The following NSD2 variants were observed in gnomAD, a reference collection of about 807,000 sequenced individuals.
The protein encoded by NSD2 is histone-lysine N-methyltransferase NSD2.
NSD2 carries 12 observed loss-of-function variants against 139.0 expected under a neutral mutation model. The observed-to-expected ratio is 0.09, with a 90% CI of 0.06 to 0.14. The LOEUF (loss-of-function observed/expected upper bound fraction) is 0.14, where lower values mean the gene tolerates loss of function less well. Ranked by LOEUF, NSD2 falls within the 10% of genes least tolerant of loss-of-function variation. The probability of loss-of-function intolerance (pLI) is 1.00; values close to 1 mark genes in which losing one functional copy is unlikely to be tolerated. For missense variants in NSD2, 1,155 were observed against 1,745.0 expected, an observed-to-expected ratio of 0.66 and a Z score of 6.02; for synonymous variants, 669 against 648.7, an observed-to-expected ratio of 1.03 and a Z score of -0.48.
At chr4:1,932,832 G>T (rs1721827233) in intron 6 of NSD2, among the ~76,000 whole-genome samples, 1 of 152,228 alleles carries the variant, frequency 6.6e-6, no homozygotes, top group African/African-American at 2.4e-5. Flanking sequence ...CTGGATGAAT[G>T]GAGAGGTGCT....
In NSD2 at chr4:1,916,964, A is replaced by G; in HGVS notation, c.854A>G (p.Glu285Gly). The G allele has an allele frequency of 6.2e-7, 1 of 1,614,186 alleles. No homozygotes were observed. The highest frequency in any genetic ancestry group is 8.5e-7 in the Non-Finnish European group (1 of 1,180,004). The change falls in exon 4 of 22, where the codon GAA (glutamate) becomes GGA (glycine). Residue 285 changes from glutamate to glycine, a missense_variant. Glu to Gly is a moderately conservative substitution (Grantham distance 98). This residue lies in a region of NSD2 where 420 missense variants were observed against 469.0 expected (regional missense o/e 0.90). Coordinates refer to ENST00000508803, the MANE Select transcript of NSD2 (RefSeq NM_001042424.3). ...WIFEKSLVAF[E>G]GEGQFEKLCQ... ...TTTGAGAAGAGCCTCGTAGCTTTTG[A>G]AGGAGAAGGACAGTTTGAAAAATTA...
chr4:1,978,991 C>T lies in NSD2; in HGVS notation c.*82C>T. 5.6e-6 allele frequency: 8 copies of T among 1,423,598 alleles called. No individual in the cohort carries two copies. The highest frequency in any genetic ancestry group is 3.1e-5 in the South Asian group (2 of 63,846). The allele number at this position is 1,423,598 out of a possible 1,614,324, so 88.2% of individuals were successfully genotyped here. Reference sequence around the variant, plus strand: ...GCGGGAGAGGGCGAGCATGAACTGGCCCGGAGGACCCAGCTCGAGCCGCCA... The same window carrying T: ...GCGGGAGAGGGCGAGCATGAACTGGTCCGGAGGACCCAGCTCGAGCCGCCA... On this transcript the variant is annotated 3_prime_UTR_variant, in exon 22 of 22. Coordinates refer to ENST00000508803, the MANE Select transcript of NSD2 (RefSeq NM_001042424.3).
At chr4:1,937,288 A>G (rs2108885184) in intron 7 of NSD2, among the ~76,000 whole-genome samples, 1 of 152,210 alleles carries the variant, frequency 6.6e-6, no homozygotes, top group African/African-American at 2.4e-5. Context: ...TCCTGACCTC[A>G]AGTGATCCGC....
intron 9 of NSD2, chr4:1,943,856 A>C: frequency 9.4e-7 from 1 of 1,063,234 alleles, no homozygotes; most frequent in Non-Finnish European, 1.1e-6. Flanking sequence ...AAGGGATTTC[A>C]TTTGAAATTA....
intron 5 of NSD2, among the ~76,000 whole-genome samples, chr4:1,926,860 T>G (rs560500734): frequency 6.6e-6 from 1 of 152,234 alleles, no homozygotes; most frequent in Non-Finnish European, 1.5e-5. Flanking sequence ...ATGTCAGTTC[T>G]TTTTACATGC....
intron 5 of NSD2, among the ~76,000 whole-genome samples, chr4:1,923,527 CTTCACAGTCATCA>C (rs1387382732): frequency 1.3e-5 from 2 of 152,140 alleles, no homozygotes; most frequent in African/African-American, 2.4e-5. Context: ...CACAGTCATC[CTTCACAGTCATCA>C]GGTGAGCAGA....
chr4:1,948,579 C>CT lies in NSD2; in HGVS notation c.1882-2492dup, dbSNP rs1487243751. 5.6e-6 allele frequency: 6 copies of CT among 1,064,066 alleles called. No homozygotes were observed. Among genetic ancestry groups the CT allele is most frequent in the Non-Finnish European group, 6.8e-6 (6 of 877,678 alleles). 65.9% of individuals were successfully genotyped at this position (1,064,066 alleles called of 1,614,324 possible). On this transcript the variant is annotated intron_variant, in intron 9 of 21. Coordinates refer to ENST00000508803, the MANE Select transcript of NSD2 (RefSeq NM_001042424.3). This position sits in a 1 kb window ranked among gnomAD's most constrained non-coding sequence, Gnocchi z 4.5. ...GGGTGTGGTGGGAAAAAGTCGGAAT[C>CT]TCTGCAATCTGTGTCATGGACTGTA...
At chr4:1,914,057 T>G (rs963209950) in intron 3 of NSD2, among the ~76,000 whole-genome samples, 5 of 152,168 alleles carry the variant, frequency 3.3e-5, no homozygotes, top group Non-Finnish European at 7.3e-5. Flanking sequence ...GAGTCTTGCT[T>G]TGTCGCCCAG....
chr4:1,880,165 G>T (rs537307367), intron 1 of NSD2, among the ~76,000 whole-genome samples: 1 of 152,196 alleles, frequency 6.6e-6, no homozygotes, highest in South Asian at 2.1e-4. Context: ...TTCGGAGTTG[G>T]TGTAATCTTT....
intron 18 of NSD2, among the ~76,000 whole-genome samples, chr4:1,971,888 C>T (rs1018537542): frequency 6.6e-6 from 1 of 152,328 alleles, no homozygotes; most frequent in Middle Eastern, 3.4e-3. Context: ...CCCAAGAAAC[C>T]AGGACTACAA....
chr4:1,890,182 C>T (rs1215957014), intron 1 of NSD2, among the ~76,000 whole-genome samples: 1 of 152,198 alleles, frequency 6.6e-6, no homozygotes, highest in Non-Finnish European at 1.5e-5. Context: ...ATATCCATCG[C>T]ATGGATAGAT....
intron 9 of NSD2, among the ~76,000 whole-genome samples, chr4:1,950,589 G>C (rs1030293971): frequency 1.3e-5 from 2 of 152,192 alleles, no homozygotes; most frequent in African/African-American, 4.8e-5. Flanking sequence ...CTCCACCCCG[G>C]CGGCAGCTGG....
chr4:1,875,603 A>T (rs1300316339), intron 1 of NSD2, among the ~76,000 whole-genome samples: 2 of 152,176 alleles, frequency 1.3e-5, no homozygotes, highest in African/African-American at 2.4e-5. Flanking sequence ...TTTGCTAGTT[A>T]AAAAATCCAG....
intron 18 of NSD2, among the ~76,000 whole-genome samples, chr4:1,964,181 T>G (rs1427818227): frequency 6.6e-6 from 1 of 152,178 alleles, no homozygotes; most frequent in Non-Finnish European, 1.5e-5. Context: ...AAGCCATGAA[T>G]AGAGCTTTAG....
intron 10 of NSD2, 171 bp from the exon 11 acceptor site, chr4:1,951,937 A>G: frequency 9.7e-7 from 1 of 1,028,492 alleles, no homozygotes; most frequent in Non-Finnish European, 1.4e-6. Flanking sequence ...CTGATTCTGT[A>G]TTTGTACGTT....
chr4:1,924,759 A>AC (rs1553869004), intron 5 of NSD2, among the ~76,000 whole-genome samples: 1 of 151,602 alleles, frequency 6.6e-6, no homozygotes, highest in Non-Finnish European at 1.5e-5. Flanking sequence ...AAAAAAAAAA[A>AC]CAAAACAAAA....
chr4:1,896,742 TTC>T (rs990498333), intron 1 of NSD2, among the ~76,000 whole-genome samples: 3 of 149,104 alleles, frequency 2.0e-5, no homozygotes, highest in African/African-American at 7.3e-5. Context: ...CCTTCTCTCT[TTC>T]TCTTTCTTTC....
chr4:1,926,423 G>A (rs930397640), intron 5 of NSD2, among the ~76,000 whole-genome samples: 3 of 151,802 alleles, frequency 2.0e-5, no homozygotes, highest in East Asian at 1.9e-4. Flanking sequence ...AAAGTGCTGC[G>A]ATTACAGGTG....
intron 1 of NSD2, among the ~76,000 whole-genome samples, chr4:1,877,037 T>C (rs924279958): frequency 1.3e-5 from 2 of 151,764 alleles, no homozygotes; most frequent in African/African-American, 4.8e-5. Flanking sequence ...CTCGGGAGGC[T>C]GAGGCAGGAG....
Sources: gnomAD v4.1 joint callset for allele counts (sites outside exome capture counted in the v4.1 genomes callset) on GRCh38, gnomAD v4.1.1 for gene constraint, gnomAD v4.1.1 regional missense constraint, Gnocchi (gnomAD v3.1) non-coding constraint, MANE v1.5 for transcripts, NCBI Gene and HGNC (gene_info 2026-07-23, HGNC 2026-07-21) for gene names.